Variants in WDR64 observed in about 807,000 individuals in gnomAD.
WDR64 encodes the protein WD repeat-containing protein 64.
A neutral mutation model predicts 139.3 loss-of-function variants in WDR64; 112 were observed. The observed-to-expected ratio is 0.80, with a 90% CI of 0.69 to 0.94. The LOEUF is 0.94. Ranked by LOEUF, WDR64 falls within the 40% of genes least tolerant of loss-of-function variation. The pLI is 0.00. For synonymous variants in WDR64, 444 were observed against 437.7 expected (o/e 1.01, Z -0.18); for missense variants, 1,206 against 1,293.1 (o/e 0.93, Z 1.03).
chr1:241,677,283 T>C (rs1308333739), intron 4 of WDR64: 10 of 398,234 alleles, frequency 2.5e-5, no homozygotes, highest in Middle Eastern at 1.2e-3. Context: ...AAACCACAGG[T>C]GTTCTGTTCT....
intron 25 of WDR64, among the ~76,000 whole-genome samples, chr1:241,791,688 A>G (rs1401504265): frequency 2.0e-5 from 3 of 152,052 alleles, no homozygotes; most frequent in Non-Finnish European, 4.4e-5. Flanking sequence ...AAAAAAAAAG[A>G]AAAAACAACG....
At chr1:241,743,394 T>C (rs528683941) in intron 12 of WDR64, among the ~76,000 whole-genome samples, 1 of 152,282 alleles carries the variant, frequency 6.6e-6, no homozygotes, top group South Asian at 2.1e-4. Context: ...GTACGGACTC[T>C]AGGGCCAGAC....
At position 241,748,329 on chromosome 1, in the gene WDR64, C is replaced by A. The variant is rs1436200822; in HGVS notation, c.1595-1218C>A. Among the ~76,000 whole-genome samples, 3 of 152,320 alleles carry A rather than the reference C, an allele frequency of 2.0e-5. No homozygotes were observed. In the South Asian group the frequency reaches 6.2e-4, roughly 32 times the overall value. On this transcript the variant is annotated intron_variant, in intron 13 of 27. Transcript: ENST00000437684. ...GTTTTTCAACAACAGAAATTGATTTCTCTCAGTTCCGGAGGCTGGGAAGTT... is the reference window on the plus strand; with the variant it reads ...GTTTTTCAACAACAGAAATTGATTTATCTCAGTTCCGGAGGCTGGGAAGTT...
chr1:241,690,681 G>A (rs926488402), intron 8 of WDR64, among the ~76,000 whole-genome samples: 5 of 151,854 alleles, frequency 3.3e-5, no homozygotes, highest in African/African-American at 9.7e-5. Context: ...AAACTTTCTC[G>A]GACAAACAGA....
intron 1 of WDR64, among the ~76,000 whole-genome samples, chr1:241,652,897 A>C (rs1665419104): frequency 6.6e-6 from 1 of 152,244 alleles, no homozygotes; most frequent in Admixed American, 6.5e-5. Context: ...GGATTGGATT[A>C]AATGACGTCC....
At chr1:241,743,259 T>C (rs1252845212) in intron 12 of WDR64, among the ~76,000 whole-genome samples, 3 of 152,140 alleles carry the variant, frequency 2.0e-5, no homozygotes, top group South Asian at 2.1e-4. Context: ...GCCAGGTTGG[T>C]TGGAGAGGGA....
intron 8 of WDR64, among the ~76,000 whole-genome samples, chr1:241,702,686 C>A (rs979600950): frequency 2.2e-4 from 33 of 152,080 alleles, no homozygotes; most frequent in African/African-American, 7.5e-4. Flanking sequence ...ATAACATCTG[C>A]AAACTAAGAA....
At chr1:241,655,390 C>T (rs964811813) in intron 1 of WDR64, among the ~76,000 whole-genome samples, 5 of 152,042 alleles carry the variant, frequency 3.3e-5, no homozygotes, top group Non-Finnish European at 7.4e-5. Flanking sequence ...CTCTGTCCCC[C>T]CTCACCCCCC....
chr1:241,734,615 C>G (rs10926557), intron 10 of WDR64, among the ~76,000 whole-genome samples: 23,977 of 151,866 alleles, frequency 0.16, 2,214 homozygotes, highest in East Asian at 0.29. Flanking sequence ...AACTGACTAA[C>G]CAATCAAGCT....
chr1:241,756,316 C>T (rs372667046), intron 14 of WDR64, among the ~76,000 whole-genome samples: 9 of 152,056 alleles, frequency 5.9e-5, no homozygotes, highest in South Asian at 2.1e-4. Context: ...TTATTCTCTT[C>T]GTAGTAACTG....
intron 8 of WDR64, among the ~76,000 whole-genome samples, chr1:241,691,206 T>C (rs968116599): frequency 7.2e-5 from 11 of 152,268 alleles, no homozygotes; most frequent in Admixed American, 7.2e-4. Flanking sequence ...GTAAAGTGTT[T>C]ATTTTAAAAC....
At chr1:241,702,247 GTA>G (rs1317141681) in intron 8 of WDR64, among the ~76,000 whole-genome samples, 1 of 152,142 alleles carries the variant, frequency 6.6e-6, no homozygotes. Context: ...ATTAGAAAGA[GTA>G]TAGTTGCCCT....
chr1:241,696,601 C>T (rs891256473), intron 8 of WDR64, among the ~76,000 whole-genome samples: 4 of 152,036 alleles, frequency 2.6e-5, no homozygotes, highest in Non-Finnish European at 2.9e-5. Context: ...GGGTTTCTCC[C>T]TTTTTTAGAC....
intron 8 of WDR64, 139 bp from the exon 9 acceptor site, chr1:241,711,663 T>C: frequency 1.4e-6 from 1 of 738,072 alleles, no homozygotes; most frequent in South Asian, 1.8e-5. Flanking sequence ...GACTTAATCA[T>C]TACTTGTAAT....
intron 8 of WDR64, among the ~76,000 whole-genome samples, chr1:241,700,108 A>G (rs1667653785): frequency 6.6e-6 from 1 of 150,740 alleles, no homozygotes; most frequent in Non-Finnish European, 1.5e-5. Flanking sequence ...TTCTTGCACA[A>G]CTTACAAGAA....
chr1:241,761,344 T>C (rs1265639098), intron 15 of WDR64, among the ~76,000 whole-genome samples: 4 of 152,136 alleles, frequency 2.6e-5, no homozygotes, highest in Admixed American at 1.3e-4. Flanking sequence ...TGAACAACCA[T>C]TCTATGACCT....
chr1:241,658,284 G>GGT (rs56011225), intron 1 of WDR64, among the ~76,000 whole-genome samples: 7,306 of 147,112 alleles, frequency 0.05, 272 homozygotes, highest in East Asian at 0.13. Flanking sequence ...TTCAAGCAAT[G>GGT]GTGTGTGTGT....
At chr1:241,774,312 T>G (rs1658571221) in intron 20 of WDR64, among the ~76,000 whole-genome samples, 1 of 152,206 alleles carries the variant, frequency 6.6e-6, no homozygotes, top group Admixed American at 6.5e-5. Context: ...CAACCCTGGT[T>G]TGAAAATACA....
At chr1:241,652,705 GAAGC>G (rs1014518864) in intron 1 of WDR64, 76 bp downstream of exon 1, 8 of 1,501,260 alleles carry the variant, frequency 5.3e-6, no homozygotes, top group Non-Finnish European at 6.2e-6. Flanking sequence ...CCATCAGAGA[GAAGC>G]ATCAGAGCTT....
Sources: allele counts gnomAD v4.1 joint callset (sites outside exome capture counted in the v4.1 genomes callset), GRCh38; gene constraint gnomAD v4.1.1; transcripts MANE v1.5; gene names NCBI Gene and HGNC (gene_info 2026-07-23, HGNC 2026-07-21).